Variants in PTPRD observed in about 807,000 individuals in gnomAD.
The protein encoded by PTPRD is receptor-type tyrosine-protein phosphatase delta.
Under a neutral mutation model 214.5 loss-of-function variants are expected in PTPRD, and 34 were observed. The observed-to-expected ratio is 0.16, with a 90% CI of 0.12 to 0.21. The LOEUF (loss-of-function observed/expected upper bound fraction) is 0.21. Ranked by LOEUF, PTPRD falls within the 10% of genes least tolerant of loss-of-function variation. PTPRD has a pLI of 1.00. For synonymous variants in PTPRD, 1,128 were observed against 845.7 expected (o/e 1.33, Z -5.79); for missense variants, 2,545 against 2,398.7 (o/e 1.06, Z -1.27).
chr9:9,757,376 C>T (rs956760863), intron 6 of PTPRD, among the ~76,000 whole-genome samples: 2 of 152,106 alleles, frequency 1.3e-5, no homozygotes, highest in Non-Finnish European at 2.9e-5. Context: ...AACACAGCAG[C>T]TTCTGGGCTT....
chr9:9,732,106 A>G (rs571893547), intron 7 of PTPRD, among the ~76,000 whole-genome samples: 14 of 152,206 alleles, frequency 9.2e-5, no homozygotes, highest in African/African-American at 3.4e-4. Context: ...GGCCTTGAGG[A>G]ATGAATAGGA....
intron 8 of PTPRD, among the ~76,000 whole-genome samples, chr9:9,494,130 C>T (rs1376600962): frequency 6.6e-6 from 1 of 152,096 alleles, no homozygotes; most frequent in Non-Finnish European, 1.5e-5. Context: ...GCTACAACCT[C>T]ATGATAAAAC....
chr9:9,601,338 T>G (rs1334886723), intron 7 of PTPRD, among the ~76,000 whole-genome samples: 1 of 152,068 alleles, frequency 6.6e-6, no homozygotes, highest in African/African-American at 2.4e-5. Context: ...GTTGCTAATT[T>G]TCCAGGAACA....
chr9:9,120,677 G>A (rs1018021667), intron 10 of PTPRD, among the ~76,000 whole-genome samples: 6 of 152,234 alleles, frequency 3.9e-5, no homozygotes, highest in South Asian at 2.1e-4. Context: ...TCCCAGCACC[G>A]GTGAGTCTGA....
At chr9:8,722,155 G>C (rs1157380873) in intron 12 of PTPRD, among the ~76,000 whole-genome samples, 1 of 143,338 alleles carries the variant, frequency 7.0e-6, no homozygotes, top group Non-Finnish European at 1.5e-5. Context: ...GTGTGTGTGT[G>C]TGTGTGTGTG....
chr9:9,152,198 A>C, intron 10 of PTPRD, among the ~76,000 whole-genome samples: 1 of 152,154 alleles, frequency 6.6e-6, no homozygotes, highest in East Asian at 1.9e-4. Flanking sequence ...CTAATCCTTT[A>C]ACCAAGCTTT....
intron 3 of PTPRD, among the ~76,000 whole-genome samples, chr9:10,261,340 G>A (rs1322152): frequency 0.95 from 144,912 of 151,998 alleles, 69,179 homozygotes; most frequent in Middle Eastern, 0.99. Context: ...TGAGTTAAGT[G>A]TAATATCTCA....
rs567066778 is a variant in PTPRD at position 9,466,025 on chromosome 9, G to A, written c.-236-68543C>T. Among the ~76,000 whole-genome samples, 377 of 152,152 alleles carry A rather than the reference G, an allele frequency of 2.5e-3. 2 individuals are homozygous for A. The highest frequency in any genetic ancestry group is 4.0e-3 in the Non-Finnish European group (273 of 68,004). On this transcript the variant is annotated intron_variant, in intron 8 of 45. Coordinates refer to ENST00000381196, the MANE Select transcript of PTPRD (RefSeq NM_002839.4). ...GAATCACACTACAATATAAAATCTA[G>A]TAGCCAGGTGTGATGGTTCACACCT...
intron 11 of PTPRD, among the ~76,000 whole-genome samples, chr9:8,949,241 A>AG (rs1373349730): frequency 1.3e-5 from 2 of 151,652 alleles, no homozygotes; most frequent in African/African-American, 4.8e-5. Flanking sequence ...GAAAAAAAAG[A>AG]AAAAAGTATT....
chr9:9,466,580 T>A (rs1050938442), intron 8 of PTPRD, among the ~76,000 whole-genome samples: 6 of 152,212 alleles, frequency 3.9e-5, no homozygotes, highest in African/African-American at 9.6e-5. Flanking sequence ...GTTTCATACT[T>A]ACTTTTCACA....
intron 4 of PTPRD, among the ~76,000 whole-genome samples, chr9:10,031,263 C>T (rs1272167101): frequency 6.6e-6 from 1 of 151,992 alleles, no homozygotes; most frequent in Non-Finnish European, 1.5e-5. Flanking sequence ...CTGGTTAATA[C>T]TGTTAACTCG....
intron 7 of PTPRD, among the ~76,000 whole-genome samples, chr9:9,691,260 G>C (rs928480026): frequency 6.6e-6 from 1 of 151,766 alleles, no homozygotes; most frequent in East Asian, 1.9e-4. Context: ...GTATGCACTA[G>C]CCATCCCTAC....
chr9:9,900,503 C>A lies in PTPRD; in HGVS notation c.-368+38004G>T, dbSNP rs150915166. Among the ~76,000 whole-genome samples the A allele has an allele frequency of 3.7e-3, 569 of 152,258 alleles. 2 individuals carry two copies. Among genetic ancestry groups the A allele is most frequent in the Non-Finnish European group, 6.5e-3 (441 of 68,026 alleles). ...AGCCTTACCTTCACTGTCCATATTT[C>A]TATCAGCATTTTGGTCACAAGCGCA... is the stretch of plus-strand genomic sequence containing the variant. On this transcript the variant is annotated intron_variant, in intron 5 of 45. Transcript: ENST00000381196.
At chr9:10,142,820 G>C (rs1314522053) in intron 3 of PTPRD, among the ~76,000 whole-genome samples, 1 of 145,430 alleles carries the variant, frequency 6.9e-6, no homozygotes, top group African/African-American at 2.6e-5. Context: ...AAAGACACAT[G>C]CACACGTATG....
intron 12 of PTPRD, among the ~76,000 whole-genome samples, chr9:8,715,417 T>C (rs186216136): frequency 6.6e-6 from 1 of 152,174 alleles, no homozygotes; most frequent in Non-Finnish European, 1.5e-5. Flanking sequence ...ACCACCAGCA[T>C]CCAGCGATAT....
chr9:9,279,751 A>G (rs1405157332), intron 9 of PTPRD, among the ~76,000 whole-genome samples: 1 of 151,118 alleles, frequency 6.6e-6, no homozygotes, highest in Non-Finnish European at 1.5e-5. Context: ...TGGAGTAACT[A>G]CAAATAAGAG....
chr9:10,548,850 A>G (rs2060709557), intron 2 of PTPRD, among the ~76,000 whole-genome samples: 1 of 152,188 alleles, frequency 6.6e-6, no homozygotes, highest in Admixed American at 6.5e-5. Context: ...GAAGCACAGT[A>G]TCTCACTGGA....
At chr9:9,354,768 A>T (rs897874834) in intron 9 of PTPRD, among the ~76,000 whole-genome samples, 2 of 151,796 alleles carry the variant, frequency 1.3e-5, no homozygotes, top group Admixed American at 1.3e-4. Context: ...GAAGTGGGGT[A>T]CCATGGGTGC....
chr9:9,412,770 G>A (rs868389349), intron 8 of PTPRD, among the ~76,000 whole-genome samples: 6 of 151,928 alleles, frequency 3.9e-5, no homozygotes, highest in Non-Finnish European at 8.8e-5. Context: ...CTCTCTTTTG[G>A]CACAAAATTT....
Sources: gnomAD v4.1 joint callset for allele counts (sites outside exome capture counted in the v4.1 genomes callset) on GRCh38, gnomAD v4.1.1 for gene constraint, MANE v1.5 for transcripts, NCBI Gene and HGNC (gene_info 2026-07-23, HGNC 2026-07-21) for gene names.